The following GLIS3 variants were observed in gnomAD, a reference collection of about 807,000 sequenced individuals.
GLIS3 encodes the protein zinc finger protein GLIS3.
In GLIS3, 53 loss-of-function variants were observed where a neutral mutation model predicts 78.6. The observed-to-expected ratio is 0.67, with a 90% CI of 0.54 to 0.85. The LOEUF (loss-of-function observed/expected upper bound fraction) is 0.85, where lower values mean the gene tolerates loss of function less well. Ranked by LOEUF, GLIS3 falls within the 40% of genes least tolerant of loss-of-function variation. GLIS3 has a pLI of 0.00. For missense variants in GLIS3, 1,703 were observed against 1,231.1 expected, an observed-to-expected ratio of 1.38 and a Z score of -5.74; for synonymous variants, 684 against 509.9, an observed-to-expected ratio of 1.34 and a Z score of -4.60.
At chr9:4,272,128 T>A (rs1182007709) in intron 2 of GLIS3, among the ~76,000 whole-genome samples, 1 of 152,206 alleles carries the variant, frequency 6.6e-6, no homozygotes, top group Non-Finnish European at 1.5e-5. Context: ...TTACTCTATT[T>A]TTCCCTTTCA....
chr9:4,198,992 C>T (rs777225278), intron 2 of GLIS3, among the ~76,000 whole-genome samples: 24 of 152,250 alleles, frequency 1.6e-4, no homozygotes, highest in African/African-American at 5.8e-4. Flanking sequence ...GAAATAAAAT[C>T]TTTTCCAAAC....
At chr9:4,429,312 C>A in the GLIS3 span, among the ~76,000 whole-genome samples, 1 of 152,092 alleles carries the variant, frequency 6.6e-6, no homozygotes, top group Non-Finnish European at 1.5e-5. Flanking sequence ...CTCTCTCCAG[C>A]CTCATGCCCC....
chr9:3,832,336 CAAGT>C (rs1426595248), intron 9 of GLIS3, among the ~76,000 whole-genome samples: 1 of 151,580 alleles, frequency 6.6e-6, no homozygotes, highest in Admixed American at 6.6e-5. Context: ...CCAAAAAGAA[CAAGT>C]AAGTTATTTA....
chr9:3,911,189 C>T (rs573220259), intron 6 of GLIS3, among the ~76,000 whole-genome samples: 4 of 152,222 alleles, frequency 2.6e-5, no homozygotes, highest in East Asian at 1.9e-4. Context: ...CCCCAAACTA[C>T]GCTAGGCCCA....
At chr9:4,298,325 G>T in intron 1 of GLIS3, 1 of 455,702 alleles carries the variant, frequency 2.2e-6, no homozygotes, top group Non-Finnish European at 4.4e-6. Context: ...CCTCCAGCAA[G>T]TCGGAGGGCG....
chr9:3,848,690 G>T (rs1053888636), intron 9 of GLIS3, among the ~76,000 whole-genome samples: 1 of 152,150 alleles, frequency 6.6e-6, no homozygotes, highest in Non-Finnish European at 1.5e-5. Flanking sequence ...CCACCTCGCT[G>T]CCATTTAAAT....
chr9:4,192,503 G>C (rs1005947419), intron 2 of GLIS3, among the ~76,000 whole-genome samples: 1 of 152,204 alleles, frequency 6.6e-6, no homozygotes, highest in Non-Finnish European at 1.5e-5. Flanking sequence ...ACATTCCTAT[G>C]TTAAGAACTG....
At chr9:3,941,978 G>C (rs554687370) in intron 4 of GLIS3, among the ~76,000 whole-genome samples, 3 of 152,222 alleles carry the variant, frequency 2.0e-5, no homozygotes, top group Admixed American at 1.3e-4. Context: ...CTTTCCATTA[G>C]AGGCTTTGTG....
chr9:4,279,432 G>A (rs1294672023), intron 2 of GLIS3, among the ~76,000 whole-genome samples: 19 of 141,188 alleles, frequency 1.3e-4, no homozygotes, highest in African/African-American at 4.7e-4. Flanking sequence ...ACAAAGAAAG[G>A]TAGAGGAACT....
At chr9:4,227,116 G>A (rs1474292848) in intron 2 of GLIS3, among the ~76,000 whole-genome samples, 3 of 152,140 alleles carry the variant, frequency 2.0e-5, no homozygotes, top group East Asian at 3.9e-4. Flanking sequence ...AGATGGGCAC[G>A]GGCACAGAAG....
At chr9:3,957,826 A>G (rs773323565) in intron 4 of GLIS3, among the ~76,000 whole-genome samples, 1 of 152,192 alleles carries the variant, frequency 6.6e-6, no homozygotes, top group Non-Finnish European at 1.5e-5. Flanking sequence ...AGATTCACAC[A>G]AAGACAAACA....
chr9:4,168,890 T>A (rs755162087), intron 2 of GLIS3, among the ~76,000 whole-genome samples: 9 of 152,212 alleles, frequency 5.9e-5, no homozygotes, highest in Non-Finnish European at 1.3e-4. Context: ...TTAATCTAGA[T>A]TCTGTAACTG....
intron 4 of GLIS3, among the ~76,000 whole-genome samples, chr9:4,050,340 C>T (rs565367779): frequency 1.8e-3 from 272 of 152,192 alleles, no homozygotes; most frequent in Non-Finnish European, 3.1e-3. Flanking sequence ...AGTAAACTAT[C>T]GCAAGGACAG....
Position 4,135,239 on chromosome 9 carries a change from A to G in GLIS3, c.389-9298T>C, listed in dbSNP as rs553021615. On this transcript the variant is annotated intron_variant, in intron 2 of 10. Transcript: ENST00000381971. ...TATTGCTATTTTAAATTTAAAAATA[A>G]TATGTATTTGTGTATGTGTCCATGT... is the stretch of plus-strand genomic sequence containing the variant. Among the ~76,000 whole-genome samples, 11 of 152,304 alleles carry G rather than the reference A, an allele frequency of 7.2e-5. No individual in the cohort carries two copies. In the East Asian group the frequency reaches 1.3e-3, roughly 19 times the overall value.
chr9:3,842,247 G>A (rs1818765801), intron 9 of GLIS3, among the ~76,000 whole-genome samples: 2 of 152,158 alleles, frequency 1.3e-5, no homozygotes, highest in Non-Finnish European at 2.9e-5. Context: ...GCCGAGATGG[G>A]TGGATCACGA....
At chr9:4,024,744 C>A (rs1231723746) in intron 4 of GLIS3, among the ~76,000 whole-genome samples, 1 of 152,156 alleles carries the variant, frequency 6.6e-6, no homozygotes, top group African/African-American at 2.4e-5. Flanking sequence ...AATTCTTCTT[C>A]TTCTGTATAA....
At chr9:4,402,675 T>C in the GLIS3 span, among the ~76,000 whole-genome samples, 2,326 of 152,288 alleles carry the variant, frequency 0.015, 58 homozygotes, top group African/African-American at 0.052. Flanking sequence ...GAAAATGCAA[T>C]TGACATGCTG....
At chr9:4,353,094 C>G (rs532698245), upstream of GLIS3, among the ~76,000 whole-genome samples, 4 of 152,238 alleles carry the variant, frequency 2.6e-5, no homozygotes, top group East Asian at 1.9e-4. Context: ...TCAGCCGTGT[C>G]TTTGGATTCC....
intron 2 of GLIS3, among the ~76,000 whole-genome samples, chr9:4,335,200 A>G (rs2130573463): frequency 6.6e-6 from 1 of 152,202 alleles, no homozygotes; most frequent in South Asian, 2.1e-4. Flanking sequence ...GAGCCACCGT[A>G]CCTGGCCCCA....
Sources: gnomAD v4.1 joint callset for allele counts (sites outside exome capture counted in the v4.1 genomes callset) on GRCh38, gnomAD v4.1.1 for gene constraint, MANE v1.5 for transcripts, NCBI Gene and HGNC (gene_info 2026-07-23, HGNC 2026-07-21) for gene names.